USP3: variants seen among roughly 807,000 people sequenced by gnomAD.
USP3 encodes the protein ubiquitin specific peptidase 3, also known as ubiquitin carboxyl-terminal hydrolase 3.
A neutral mutation model predicts 72.3 loss-of-function variants in USP3; 20 were observed. That is an observed-to-expected ratio of 0.28 (90% CI 0.19 to 0.40). The LOEUF (loss-of-function observed/expected upper bound fraction) is 0.40. Among genes scored for constraint, USP3 ranks in the 10% least tolerant of loss-of-function variants. The pLI, the probability that USP3 is intolerant of heterozygous loss-of-function variation, is 1.00. For synonymous variants in USP3, 222 were observed against 225.3 expected (o/e 0.99, Z 0.13); for missense variants, 479 against 633.9 (o/e 0.76, Z 2.62).
At position 63,574,220 on chromosome 15, in the gene USP3, ATAAGTG is replaced by A; in HGVS notation, c.1015+72_1015+77del. On this transcript the variant is annotated intron_variant, in intron 10 of 14. Coordinates refer to ENST00000380324, the MANE Select transcript of USP3 (RefSeq NM_006537.4). The surrounding 1 kb of genome is among the most constrained non-coding windows in gnomAD (Gnocchi z 4.6). ...ATAAATTTAATGTTTCCTTCAAAAA[ATAAGTG>A]TAAAGAGAAATCTAGAAATACATCA... The A allele has an allele frequency of 7.1e-7, 1 of 1,405,572 alleles. No homozygotes were observed. The highest frequency in any genetic ancestry group is 9.5e-7 in the Non-Finnish European group (1 of 1,056,688). The allele number at this position is 1,405,572 out of a possible 1,614,324, so 87.1% of individuals were successfully genotyped here.
chr15:63,522,451 A>G (rs1268117936), intron 1 of USP3, among the ~76,000 whole-genome samples: 2 of 152,218 alleles, frequency 1.3e-5, no homozygotes, highest in Non-Finnish European at 2.9e-5. Context: ...GTGCCCTGAC[A>G]TGGGAAAGGT....
chr15:63,570,802 T>C lies in USP3; in HGVS notation c.908+223T>C, dbSNP rs2066767529. On this transcript the variant is annotated intron_variant, in intron 9 of 14. Coordinates refer to ENST00000380324, the MANE Select transcript of USP3 (RefSeq NM_006537.4). The surrounding 1 kb of genome is among the most constrained non-coding windows in gnomAD (Gnocchi z 4.4). ...CTGATTTAGTTCTGACTGTGATTAA[T>C]TGGTATAGATTATTTTAAATTTTGA... 6.6e-6 allele frequency among the ~76,000 whole-genome samples: 1 copy of C among 152,236 alleles called. No homozygotes were observed. The highest frequency in any genetic ancestry group is 1.5e-5 in the Non-Finnish European group (1 of 68,046).
chr15:63,574,311 T>C lies in USP3; in HGVS notation c.1016-12T>C. 6.4e-7 allele frequency: 1 copy of C among 1,574,746 alleles called. No homozygotes were observed. Among genetic ancestry groups the C allele is most frequent in the Non-Finnish European group, 8.6e-7 (1 of 1,164,538 alleles). ...TTTAACAGCTCTCTGTTTACCTCTC[T>C]CTCCTTTTAAGACCTTTCATTAGAT... is the stretch of plus-strand genomic sequence containing the variant. On this transcript the variant is annotated splice_polypyrimidine_tract_variant and intron_variant, in intron 10 of 14. Transcript: ENST00000380324. This position sits in a 1 kb window ranked among gnomAD's most constrained non-coding sequence, Gnocchi z 4.6.
At chr15:63,512,405 C>T (rs575619993) in intron 1 of USP3, among the ~76,000 whole-genome samples, 6 of 144,490 alleles carry the variant, frequency 4.2e-5, no homozygotes, top group African/African-American at 1.6e-4. Flanking sequence ...CTTCCTTCTT[C>T]TTCTTTCTTC....
chr15:63,548,313 T>C (rs962474484), intron 3 of USP3, among the ~76,000 whole-genome samples: 1 of 150,798 alleles, frequency 6.6e-6, no homozygotes, highest in African/African-American at 2.4e-5. Context: ...ATTTATTTAT[T>C]ATTTTATTTT....
In USP3 at chr15:63,574,310, C is replaced by T. The variant is rs748358615; in HGVS notation, c.1016-13C>T. On this transcript the variant is annotated splice_polypyrimidine_tract_variant and intron_variant, in intron 10 of 14. Coordinates refer to ENST00000380324, the MANE Select transcript of USP3 (RefSeq NM_006537.4). This position sits in a 1 kb window ranked among gnomAD's most constrained non-coding sequence, Gnocchi z 4.6. ...CTTTAACAGCTCTCTGTTTACCTCT[C>T]TCTCCTTTTAAGACCTTTCATTAGA... 14 of 1,573,714 alleles carry T rather than the reference C, an allele frequency of 8.9e-6. 1 individual carries two copies. The Admixed American group carries it at 2.7e-4, about 30-fold the overall frequency.
chr15:63,550,443 C>T (rs1348734397), intron 3 of USP3, among the ~76,000 whole-genome samples: 1 of 152,216 alleles, frequency 6.6e-6, no homozygotes, highest in Non-Finnish European at 1.5e-5. Flanking sequence ...GGAACACTGT[C>T]TTGCTGGAAA....
chr15:63,542,395 AC>A (rs1309937287), intron 3 of USP3, among the ~76,000 whole-genome samples: 1 of 152,058 alleles, frequency 6.6e-6, no homozygotes, highest in East Asian at 1.9e-4. Flanking sequence ...AATGTTATAA[AC>A]TTTCAAAACC....
chr15:63,531,685 A>G (rs920117864), intron 1 of USP3, among the ~76,000 whole-genome samples: 1 of 152,132 alleles, frequency 6.6e-6, no homozygotes, highest in Admixed American at 6.6e-5. Flanking sequence ...ATCCTAAACT[A>G]AGAAATTTAA....
At chr15:63,564,055 T>C (rs1203170788) in intron 8 of USP3, among the ~76,000 whole-genome samples, 1 of 152,224 alleles carries the variant, frequency 6.6e-6, no homozygotes, top group Non-Finnish European at 1.5e-5. Flanking sequence ...AAGGCAGGAA[T>C]GACAGTTAAG....
chr15:63,567,341 ATTT>A (rs1276442905), intron 8 of USP3, among the ~76,000 whole-genome samples: 8 of 119,546 alleles, frequency 6.7e-5, no homozygotes, highest in African/African-American at 2.5e-4. Flanking sequence ...TGCCTGGCTA[ATTT>A]TTTTTTTTTT....
intron 11 of USP3, among the ~76,000 whole-genome samples, chr15:63,582,560 G>A (rs1595772874): frequency 1.3e-5 from 2 of 152,196 alleles, no homozygotes; most frequent in Non-Finnish European, 2.9e-5. Context: ...ACCTGATCAT[G>A]TCTATTCCTT....
At chr15:63,535,627 G>A (rs1055602148) in intron 2 of USP3, among the ~76,000 whole-genome samples, 1 of 152,084 alleles carries the variant, frequency 6.6e-6, no homozygotes, top group African/African-American at 2.4e-5. Flanking sequence ...TATGAACAGA[G>A]GACTCAGGTA....
intron 11 of USP3, among the ~76,000 whole-genome samples, chr15:63,581,340 GGTTTTTGTGTGTGTGTGTGT>G (rs2066954716): frequency 8.1e-6 from 1 of 124,128 alleles, no homozygotes; most frequent in African/African-American, 3.1e-5. Context: ...TGTTTGTGTT[GGTTTTTGTGTGTGTGTGTGT>G]GTGTGTGTGT....
chr15:63,532,360 A>C, intron 1 of USP3: 1 of 438,004 alleles, frequency 2.3e-6, no homozygotes, highest in South Asian at 2.8e-5. Context: ...CTGTAGCAAA[A>C]GGGAATAAGT....
intron 11 of USP3, among the ~76,000 whole-genome samples, chr15:63,584,454 T>A (rs2067022244): frequency 6.6e-6 from 1 of 152,152 alleles, no homozygotes; most frequent in Non-Finnish European, 1.5e-5. Context: ...TCTGCTTTTG[T>A]TTTTGTCTTT....
chr15:63,547,739 AGAGAGG>A (rs1410272781), intron 3 of USP3, among the ~76,000 whole-genome samples: 4,074 of 20,646 alleles, frequency 0.2, 421 homozygotes, highest in Non-Finnish European at 0.28. Context: ...AGAGAGAGAG[AGAGAGG>A]GAGGGAGGGA....
At chr15:63,557,269 T>G (rs1344042367) in intron 5 of USP3, among the ~76,000 whole-genome samples, 1 of 132,742 alleles carries the variant, frequency 7.5e-6, no homozygotes, top group Non-Finnish European at 1.6e-5. Context: ...TTTGTTTTTG[T>G]TTTTTTTTTT....
chr15:63,541,430 A>G (rs2066243934), intron 3 of USP3, among the ~76,000 whole-genome samples: 1 of 152,192 alleles, frequency 6.6e-6, no homozygotes, highest in South Asian at 2.1e-4. Context: ...TTTGGACGCA[A>G]ATTTTCAATG....
Sources: allele counts gnomAD v4.1 joint callset (sites outside exome capture counted in the v4.1 genomes callset), GRCh38; gene constraint gnomAD v4.1.1; non-coding constraint Gnocchi (gnomAD v3.1); transcripts MANE v1.5; gene names NCBI Gene and HGNC (gene_info 2026-07-23, HGNC 2026-07-21).